The following GFPT1 variants were observed in gnomAD, a reference collection of about 807,000 sequenced individuals.
The protein encoded by GFPT1 is glutamine--fructose-6-phosphate transaminase 1, also known as glutamine--fructose-6-phosphate aminotransferase [isomerizing] 1.
A neutral mutation model predicts 92.0 loss-of-function variants in GFPT1; 40 were observed. The observed-to-expected ratio is 0.43, with a 90% CI of 0.34 to 0.57. The LOEUF is 0.57. Ranked by LOEUF, GFPT1 falls within the 20% of genes least tolerant of loss-of-function variation. The probability of loss-of-function intolerance (pLI) is 0.02; values close to 1 mark genes in which losing one functional copy is unlikely to be tolerated. For missense variants in GFPT1, 448 were observed against 869.1 expected (o/e 0.52, Z 6.09); for synonymous variants, 269 against 280.6 (o/e 0.96, Z 0.41).
intron 1 of GFPT1, among the ~76,000 whole-genome samples, chr2:69,383,664 C>T (rs1036109144): frequency 3.9e-5 from 6 of 152,166 alleles, no homozygotes; most frequent in Non-Finnish European, 7.3e-5. Flanking sequence ...TCACTCTTGT[C>T]GCCCAGGCTG....
At chr2:69,367,813 T>C (rs1671647717) in intron 3 of GFPT1, among the ~76,000 whole-genome samples, 3 of 152,264 alleles carry the variant, frequency 2.0e-5, no homozygotes, top group Non-Finnish European at 2.9e-5. Flanking sequence ...TCTCAGGTTA[T>C]AGGCATTTCC....
intron 3 of GFPT1, 86 bp downstream of exon 3, chr2:69,369,915 G>A (rs1006150636): frequency 7.3e-6 from 6 of 820,220 alleles, no homozygotes; most frequent in Non-Finnish European, 1.3e-5. Context: ...CCCAAAATAT[G>A]GGGGGAGGGA....
At chr2:69,354,402 G>T in intron 8 of GFPT1, 87 bp downstream of exon 8, 1 of 1,278,070 alleles carries the variant, frequency 7.8e-7, no homozygotes, top group Non-Finnish European at 1.1e-6. Flanking sequence ...ATATATACAT[G>T]TGCATCTGAC....
Position 69,348,248 on chromosome 2 carries a change from C to T in GFPT1, c.932G>A (p.Arg311Gln), listed in dbSNP as rs536982477. The T allele has an allele frequency of 5.0e-6, 8 of 1,612,728 alleles. No individual in the cohort carries two copies. Among genetic ancestry groups the T allele is most frequent in the South Asian group, 2.2e-5 (2 of 91,058 alleles). The change falls in exon 11 of 20, where the codon CGA becomes CAA. Residue 311 changes from arginine (R) to glutamine (Q), a missense_variant. By Grantham distance (43) the Arg-to-Gln change is conservative. This residue lies in a region of GFPT1 where 121 missense variants were observed against 304.3 expected (regional missense o/e 0.40). Coordinates refer to ENST00000357308, the MANE Select transcript of GFPT1 (RefSeq NM_001244710.2). ...AVVDGRLSIHRIKRTAGDHPG... is the reference protein window; with the variant it reads ...AVVDGRLSIHQIKRTAGDHPG... ...GTGATCTCCTGCAGTTCGTTTAATT[C>T]GATGGATAGAAAGACGTCCATCCAC... is the stretch of plus-strand genomic sequence containing the variant.
intron 2 of GFPT1, among the ~76,000 whole-genome samples, chr2:69,371,785 T>C (rs1157907987): frequency 6.6e-6 from 1 of 150,976 alleles, no homozygotes. Flanking sequence ...TGCAGTGAGC[T>C]GAGATCATGC....
At chr2:69,332,600 C>T (rs967333440) in intron 15 of GFPT1, among the ~76,000 whole-genome samples, 5 of 151,874 alleles carry the variant, frequency 3.3e-5, no homozygotes, top group African/African-American at 7.3e-5. Flanking sequence ...CCACCACGCC[C>T]GGCCTCTAGT....
At chr2:69,328,012 T>C (rs180782892) in intron 18 of GFPT1, among the ~76,000 whole-genome samples, 5 of 149,200 alleles carry the variant, frequency 3.4e-5, no homozygotes, top group African/African-American at 1.2e-4. Context: ...GGCAGGAAAA[T>C]TGCCTGAACC....
rs545034588 is a variant in GFPT1, at chr2:69,384,199, A to G, written c.7+2866T>C. Among the ~76,000 whole-genome samples, 27 of 152,324 alleles carry G rather than the reference A, an allele frequency of 1.8e-4. 1 individual carries two copies. In the South Asian group the frequency reaches 4.1e-3, roughly 23 times the overall value. On this transcript the variant is annotated intron_variant, in intron 1 of 19. Transcript: ENST00000357308. ...ATTAAAGATTCCAAGAAATCCTCCA[A>G]TCAAAAAACAAAACAAAACATTACC... is the stretch of plus-strand genomic sequence containing the variant.
intron 4 of GFPT1, among the ~76,000 whole-genome samples, chr2:69,362,745 C>T (rs534695872): frequency 1.3e-5 from 2 of 151,752 alleles, no homozygotes; most frequent in Admixed American, 1.3e-4. Context: ...TGCAGTGAGC[C>T]GATATCGCAC....
Position 69,374,072 on chromosome 2 carries a change from G to A in GFPT1, c.49C>T (p.Arg17Ter), listed in dbSNP as rs763039973. Residue 17 changes from arginine to a stop codon, truncating the protein, a stop_gained, in exon 2 of 20, where the codon CGA (arginine) becomes TGA (stop). Coordinates refer to ENST00000357308, the MANE Select transcript of GFPT1 (RefSeq NM_001244710.2). LOFTEE classifies it high-confidence loss of function. ...YLNYHVPRTR[R>*]EILETLIKGL... ...TTGATTAGGGTCTCCAGGATTTCTC[G>A]TCTCGTTCGAGGAACATGGTAGTTT... 4.4e-6 allele frequency: 7 copies of A among 1,597,862 alleles called. No individual in the cohort carries two copies. The highest frequency in any genetic ancestry group is 5.1e-6 in the Non-Finnish European group (6 of 1,166,456).
At chr2:69,355,979 CTTTCTTT>C (rs1225278305) in intron 7 of GFPT1, among the ~76,000 whole-genome samples, 3 of 123,418 alleles carry the variant, frequency 2.4e-5, no homozygotes, top group Admixed American at 9.0e-5. Context: ...AATATATTTG[CTTTCTTT>C]TTTTTTTTTT....
At chr2:69,333,513 T>C (rs1670721935) in intron 15 of GFPT1, among the ~76,000 whole-genome samples, 1 of 152,240 alleles carries the variant, frequency 6.6e-6, no homozygotes, top group Admixed American at 6.5e-5. Context: ...ATTCAGAATC[T>C]ACCGAGGTTT....
chr2:69,357,547 G>A (rs936276099), intron 6 of GFPT1, among the ~76,000 whole-genome samples: 1 of 152,200 alleles, frequency 6.6e-6, no homozygotes, highest in South Asian at 2.1e-4. Context: ...GGAAAGGGAA[G>A]GAATAGGCCT....
chr2:69,341,476 G>A (rs1414735528), intron 13 of GFPT1, among the ~76,000 whole-genome samples: 3 of 152,100 alleles, frequency 2.0e-5, no homozygotes, highest in Admixed American at 2.0e-4. Context: ...AGTTATGTCA[G>A]GAACTTTGGA....
chr2:69,352,431 C>A (rs78542231), intron 9 of GFPT1, among the ~76,000 whole-genome samples: 1 of 149,598 alleles, frequency 6.7e-6, no homozygotes, highest in Non-Finnish European at 1.5e-5. Flanking sequence ...TGAGCAACAG[C>A]CTGAAACCCC....
At chr2:69,328,682 T>C (rs559249397) in intron 17 of GFPT1, among the ~76,000 whole-genome samples, 1 of 150,220 alleles carries the variant, frequency 6.7e-6, no homozygotes, top group African/African-American at 2.5e-5. Context: ...CACAAACATA[T>C]TCATATTTCT....
In GFPT1 at chr2:69,354,265, C is replaced by T; in HGVS notation, c.733G>A (p.Glu245Lys). The T allele has an allele frequency of 6.3e-7, 1 of 1,588,284 alleles. No homozygotes were observed. The highest frequency in any genetic ancestry group is 8.5e-7 in the Non-Finnish European group (1 of 1,173,224). The change falls in exon 9 of 20, where the codon GAA (glutamate) becomes AAA (lysine). Residue 245 changes from glutamate to lysine, a missense_variant. Physicochemically the swap from Glu to Lys is moderately conservative, Grantham distance 56. Coordinates refer to ENST00000357308, the MANE Select transcript of GFPT1 (RefSeq NM_001244710.2). ...SKFTRWGSQG[E>K]RGKDKKGSCN... ...TGCAGAGTGCATTTCCCACCTCTTT[C>T]TCCCTGTGATCCCCACCGTGTGAAT...
intron 15 of GFPT1, among the ~76,000 whole-genome samples, chr2:69,336,176 C>G (rs532997322): frequency 6.6e-4 from 99 of 150,710 alleles, no homozygotes; most frequent in African/African-American, 2.4e-3. Context: ...CCATTGCTAT[C>G]AAAAATACAA....
At position 69,372,198 on chromosome 2, in the gene GFPT1, CAAAAAAA is replaced by C. The variant is rs534920006; in HGVS notation, c.115+1801_115+1807del. Among the ~76,000 whole-genome samples, 13 of 52,758 alleles carry C rather than the reference CAAAAAAA, an allele frequency of 2.5e-4. No individual in the cohort carries two copies. In the South Asian group the frequency reaches 6.5e-3, roughly 27 times the overall value. The allele number at this position is 52,758 out of a possible 152,430, so 34.6% of individuals were successfully genotyped here. On this transcript the variant is annotated intron_variant, in intron 2 of 19. Transcript: ENST00000357308. ...CTTGTGACAGAGTGAGACTCCATCT[CAAAAAAA>C]AAAAAAAAAAAAAGAAGATTGATGA...
Sources: gnomAD v4.1 joint callset for allele counts (sites outside exome capture counted in the v4.1 genomes callset) on GRCh38, gnomAD v4.1.1 for gene constraint, gnomAD v4.1.1 regional missense constraint, MANE v1.5 for transcripts, NCBI Gene and HGNC (gene_info 2026-07-23, HGNC 2026-07-21) for gene names.